Variants in MAP7D2 observed in about 807,000 individuals in gnomAD.
MAP7D2 encodes MAP7 domain containing 2, also known as MAP7 domain-containing protein 2.
In MAP7D2, 33 loss-of-function variants were observed where a neutral mutation model predicts 63.5. That is an observed-to-expected ratio of 0.52 (90% confidence interval 0.39 to 0.70). MAP7D2 has a LOEUF of 0.70. Ranked by LOEUF, MAP7D2 falls within the 30% of genes least tolerant of loss-of-function variation. The pLI, the probability that MAP7D2 is intolerant of heterozygous loss-of-function variation, is 0.00. For missense variants in MAP7D2, 626 were observed against 604.0 expected (o/e 1.04, Z -0.38); for synonymous variants, 224 against 223.7 (o/e 1.00, Z -0.01).
At chrX:20,099,959 T>C (rs997375789) in intron 1 of MAP7D2, among the ~76,000 whole-genome samples, 1 of 111,680 alleles carries the variant, frequency 9.0e-6, no homozygotes, top group Non-Finnish European at 1.9e-5. Flanking sequence ...TTCTTTGCTC[T>C]ACTCCTATTT....
At chrX:20,053,505 G>A (rs1030293336) in intron 4 of MAP7D2, among the ~76,000 whole-genome samples, 1 of 111,971 alleles carries the variant, frequency 8.9e-6, no homozygotes, top group African/African-American at 3.2e-5. Flanking sequence ...GGCCTCTTTA[G>A]CAGTTGGTTT....
chrX:20,008,900 TA>T (rs748494217), intron 16 of MAP7D2, among the ~76,000 whole-genome samples: 1 of 112,363 alleles, frequency 8.9e-6, no homozygotes, highest in Non-Finnish European at 1.9e-5. Flanking sequence ...ATGAATACTC[TA>T]ATAAATTTTG....
chrX:20,067,910 G>A (rs922505841), intron 1 of MAP7D2, among the ~76,000 whole-genome samples: 1 of 112,159 alleles, frequency 8.9e-6, no homozygotes, highest in African/African-American at 3.2e-5. Context: ...CACAGATGTG[G>A]CTCCTGTCCA....
chrX:20,071,074 C>T lies in MAP7D2; in HGVS notation c.131-6269G>A, dbSNP rs150378375. Among the ~76,000 whole-genome samples, 1,119 of 112,328 alleles carry T rather than the reference C, an allele frequency of 1.0e-2. 5 individuals are homozygous for T. Among genetic ancestry groups the T allele is most frequent in the Non-Finnish European group, 0.016 (874 of 53,214 alleles). Reference sequence around the variant, plus strand: ...GGGAAGGAGGAATGAAGAGCTCATCCAATAGGAAATACAATGAAGGGTCCT... The same window carrying T: ...GGGAAGGAGGAATGAAGAGCTCATCTAATAGGAAATACAATGAAGGGTCCT... On this transcript the variant is annotated intron_variant, in intron 1 of 16. Transcript: ENST00000379643.
intron 10 of MAP7D2, among the ~76,000 whole-genome samples, chrX:20,016,776 G>A (rs1160282539): frequency 1.8e-5 from 2 of 112,091 alleles, no homozygotes; most frequent in South Asian, 3.7e-4. Context: ...CAGTGACTAC[G>A]AACTCAAAAA....
intron 1 of MAP7D2, among the ~76,000 whole-genome samples, chrX:20,095,740 A>G (rs1164676232): frequency 8.9e-6 from 1 of 112,099 alleles, no homozygotes. Flanking sequence ...AAGAATGGAT[A>G]AACAAAATGT....
chrX:20,100,138 A>G (rs1603405562), intron 1 of MAP7D2, among the ~76,000 whole-genome samples: 2 of 112,139 alleles, frequency 1.8e-5, no homozygotes. Context: ...ACTACTATAT[A>G]GCCTGCTCAT....
intron 1 of MAP7D2, among the ~76,000 whole-genome samples, chrX:20,077,700 G>GCA (rs2065682116): frequency 8.9e-6 from 1 of 112,061 alleles, no homozygotes; most frequent in African/African-American, 3.2e-5. Flanking sequence ...GAGGGCCTCT[G>GCA]CACACACACC....
chrX:20,027,353 C>T lies in MAP7D2; in HGVS notation c.1008-1401G>A, dbSNP rs370541151. On this transcript the variant is annotated intron_variant, in intron 8 of 16. Transcript: ENST00000379643. ...GGTTTTTTCCAGGTACACTATATAA[C>T]GCTGATCTTCTATTTTTTCCTAGAC... is the stretch of plus-strand genomic sequence containing the variant. Among the ~76,000 whole-genome samples, 10 of 112,218 alleles carry T rather than the reference C, an allele frequency of 8.9e-5. No homozygotes were observed. In the South Asian group the frequency reaches 1.5e-3, roughly 17 times the overall value.
At chrX:20,065,997 A>G (rs1031363463) in intron 1 of MAP7D2, among the ~76,000 whole-genome samples, 4 of 104,706 alleles carry the variant, frequency 3.8e-5, no homozygotes, top group African/African-American at 1.4e-4. Flanking sequence ...ATCTCGGCTC[A>G]CTGCAAGCTC....
chrX:20,060,600 G>A (rs1331445611), intron 3 of MAP7D2, among the ~76,000 whole-genome samples: 4 of 111,401 alleles, frequency 3.6e-5, no homozygotes, highest in African/African-American at 1.3e-4. Flanking sequence ...CTGAGAATGG[G>A]CTGGCATACT....
At chrX:20,061,007 T>C (rs2065208829) in intron 3 of MAP7D2, among the ~76,000 whole-genome samples, 1 of 107,052 alleles carries the variant, frequency 9.3e-6, no homozygotes, top group South Asian at 4.2e-4. Context: ...AGAGGCAGGA[T>C]TTGGTGGGCA....
chrX:20,045,935 A>G (rs959859647), intron 6 of MAP7D2, among the ~76,000 whole-genome samples: 5 of 112,003 alleles, frequency 4.5e-5, no homozygotes, highest in South Asian at 3.8e-4. Flanking sequence ...TGAGGGAAAA[A>G]GCACAGCCCA....
intron 8 of MAP7D2, among the ~76,000 whole-genome samples, chrX:20,037,779 A>G (rs940392970): frequency 1.8e-5 from 2 of 111,518 alleles, no homozygotes; most frequent in African/African-American, 3.3e-5. Flanking sequence ...ATGTGGATGG[A>G]CCTCTCTGAG....
In MAP7D2 at chrX:20,007,048, C is replaced by G. The variant is rs180904778; in HGVS notation, c.*1377G>C. ...TGAAAGCCAGACCATGCTATGGTTT[C>G]TGTGTGCCTGTCATAAAGGGACTTG... On this transcript the variant is annotated 3_prime_UTR_variant, in exon 17 of 17. Transcript: ENST00000379643. The G allele has an allele frequency of 7.1e-5, 8 of 112,166 alleles. No homozygotes were observed. Among genetic ancestry groups the G allele is most frequent in the African/African-American group, 2.6e-4 (8 of 30,889 alleles). The allele number at this position is 112,166 out of a possible 1,213,427, so 9.2% of individuals were successfully genotyped here.
At position 20,045,574 on chromosome X, in the gene MAP7D2, C is replaced by A. The variant is rs190772310; in HGVS notation, c.719-1050G>T. Among the ~76,000 whole-genome samples the A allele has an allele frequency of 4.6e-3, 452 of 97,382 alleles. 11 individuals carry two copies. Among genetic ancestry groups the A allele is most frequent in the Admixed American group, 0.04 (353 of 8,738 alleles). The allele number at this position is 97,382 out of a possible 115,157, so 84.6% of individuals were successfully genotyped here. A position where few individuals can be genotyped will look rare whatever the true frequency, so the allele number is the denominator to read the frequency against. ...AAAAGCTAAGAAAGAAAAAATAAGT[C>A]ACAGCCATGCGTGGAACTATGCTGA... On this transcript the variant is annotated intron_variant, in intron 6 of 16. Transcript: ENST00000379643.
intron 3 of MAP7D2, among the ~76,000 whole-genome samples, chrX:20,060,415 AAAG>A (rs2065180624): frequency 1.3e-5 from 1 of 75,059 alleles, no homozygotes; most frequent in Non-Finnish European, 2.4e-5. Flanking sequence ...AAAGAAAAGA[AAAG>A]AGAGAGAGAG....
intron 8 of MAP7D2, among the ~76,000 whole-genome samples, chrX:20,033,223 T>C (rs2074106648): frequency 1.8e-5 from 2 of 112,517 alleles, no homozygotes; most frequent in African/African-American, 3.2e-5. Context: ...AATTACTGTT[T>C]AAGCAACTCA....
chrX:20,109,657 G>A (rs1237937583), intron 1 of MAP7D2, among the ~76,000 whole-genome samples: 1 of 110,123 alleles, frequency 9.1e-6, no homozygotes, highest in African/African-American at 3.3e-5. Context: ...CTCACCTCTC[G>A]CTGAATACAT....
Sources: gnomAD v4.1 joint callset for allele counts (sites outside exome capture counted in the v4.1 genomes callset) on GRCh38, gnomAD v4.1.1 for gene constraint, MANE v1.5 for transcripts, NCBI Gene and HGNC (gene_info 2026-07-23, HGNC 2026-07-21) for gene names.